MAN1A2: variants seen among roughly 807,000 people sequenced by gnomAD.
MAN1A2 encodes mannosyl-oligosaccharide 1,2-alpha-mannosidase IB.
MAN1A2 carries 26 observed loss-of-function variants against 75.7 expected under a neutral mutation model. The observed-to-expected ratio is 0.34, with a 90% CI of 0.25 to 0.48. The LOEUF (loss-of-function observed/expected upper bound fraction) is 0.48. Among genes scored for constraint, MAN1A2 ranks in the 20% least tolerant of loss-of-function variants. The probability of loss-of-function intolerance (pLI) is 0.99; values close to 1 mark genes in which losing one functional copy is unlikely to be tolerated. For missense variants in MAN1A2, 562 were observed against 775.5 expected, an observed-to-expected ratio of 0.72 and a Z score of 3.27; for synonymous variants, 247 against 264.6, an observed-to-expected ratio of 0.93 and a Z score of 0.65.
At chr1:117,467,035 G>A (rs544842701) in intron 8 of MAN1A2, among the ~76,000 whole-genome samples, 1 of 152,230 alleles carries the variant, frequency 6.6e-6, no homozygotes, top group Admixed American at 6.5e-5. Flanking sequence ...CCCTCTGCCT[G>A]AGGGGAAAGT....
chr1:117,515,082 A>G (rs2101892601), intron 12 of MAN1A2: 1 of 273,994 alleles, frequency 3.6e-6, no homozygotes, highest in South Asian at 3.8e-5. Context: ...ACCTTTAGGC[A>G]TGGACAAATT....
intron 1 of MAN1A2, among the ~76,000 whole-genome samples, chr1:117,370,365 C>T (rs1004972065): frequency 1.3e-5 from 2 of 152,036 alleles, no homozygotes; most frequent in African/African-American, 2.4e-5. Flanking sequence ...GGAATCTATT[C>T]GGTTCCTGAG....
chr1:117,429,745 G>C (rs1463482556), intron 5 of MAN1A2, among the ~76,000 whole-genome samples: 2 of 112,352 alleles, frequency 1.8e-5, no homozygotes, highest in East Asian at 5.6e-4. Flanking sequence ...CGGGGCGGCT[G>C]GCCGGGCGGG....
Position 117,445,874 on chromosome 1 carries a change from CTGTG to C in MAN1A2, c.950+3557_950+3560del, listed in dbSNP as rs1186408816. ...TGTGTGTGTGTATGTGTGTGTGTGTCTGTGTGTGTGTATATATATATATATGTAT... is the reference window on the plus strand; with the variant it reads ...TGTGTGTGTGTATGTGTGTGTGTGTCTGTGTGTATATATATATATATGTAT... On this transcript the variant is annotated intron_variant, in intron 6 of 12. Transcript: ENST00000356554. Among the ~76,000 whole-genome samples the C allele has an allele frequency of 2.3e-3, 211 of 93,388 alleles. 9 individuals are homozygous for C. Among genetic ancestry groups the C allele is most frequent in the East Asian group, 7.4e-3 (30 of 4,050 alleles). 61.3% of individuals were successfully genotyped at this position (93,388 alleles called of 152,430 possible).
chr1:117,496,848 T>C lies in MAN1A2; in HGVS notation c.1370T>C (p.Met457Thr). Residue 457 changes from methionine (M) to threonine (T), a missense_variant, in exon 10 of 13, where the codon ATG (methionine) becomes ACG (threonine). By Grantham distance (81) the Met-to-Thr change is moderately conservative. Coordinates refer to ENST00000356554, the MANE Select transcript of MAN1A2 (RefSeq NM_006699.5). Reference sequence around the variant, plus strand: ...AAGAATGGGCACTTGGAAAAAAAGATGGGGCATTTGGCCTGCTTTGCTGGG... The same window carrying C: ...AAGAATGGGCACTTGGAAAAAAAGACGGGGCATTTGGCCTGCTTTGCTGGG... Reference protein sequence around the residue: ...EWKNGHLEKKMGHLACFAGGM... With the variant: ...EWKNGHLEKKTGHLACFAGGM... 6.2e-7 allele frequency: 1 copy of C among 1,612,722 alleles called. No individual in the cohort carries two copies. The highest frequency in any genetic ancestry group is 8.5e-7 in the Non-Finnish European group (1 of 1,179,234).
intron 12 of MAN1A2, among the ~76,000 whole-genome samples, chr1:117,519,473 C>T (rs893013255): frequency 6.6e-6 from 1 of 151,964 alleles, no homozygotes; most frequent in African/African-American, 2.4e-5. Context: ...CAATTAACCT[C>T]ATTAAGAAAC....
At chr1:117,373,135 A>G (rs1392789602) in intron 1 of MAN1A2, among the ~76,000 whole-genome samples, 1 of 151,412 alleles carries the variant, frequency 6.6e-6, no homozygotes, top group Non-Finnish European at 1.5e-5. Context: ...CAAGTTCTTC[A>G]TGTTATGATT....
chr1:117,444,326 T>A (rs1244694101), intron 6 of MAN1A2, among the ~76,000 whole-genome samples: 1 of 152,048 alleles, frequency 6.6e-6, no homozygotes, highest in Non-Finnish European at 1.5e-5. Flanking sequence ...CATGTTCTTG[T>A]GTAGTAGGAA....
chr1:117,476,409 G>A (rs1023373797), intron 8 of MAN1A2, among the ~76,000 whole-genome samples: 5 of 152,058 alleles, frequency 3.3e-5, no homozygotes, highest in Admixed American at 3.3e-4. Flanking sequence ...TGCTTTTTGT[G>A]TTTTAGTCAT....
intron 1 of MAN1A2, among the ~76,000 whole-genome samples, chr1:117,397,647 T>C (rs866763384): frequency 0.19 from 22,826 of 120,220 alleles, 1,987 homozygotes; most frequent in East Asian, 0.34. Context: ...ATAACCCCCT[T>C]TTTTTTTTTT....
chr1:117,369,400 TA>T (rs1652877436), intron 1 of MAN1A2, among the ~76,000 whole-genome samples: 1 of 152,192 alleles, frequency 6.6e-6, no homozygotes, highest in African/African-American at 2.4e-5. Context: ...CCTTGTTTCT[TA>T]AAATAATTCT....
In MAN1A2 at chr1:117,499,486, A is replaced by G. The variant is rs747472656; in HGVS notation, c.1609A>G (p.Thr537Ala). 3 of 1,608,756 alleles carry G rather than the reference A, an allele frequency of 1.9e-6. No homozygotes were observed. In the Admixed American group the frequency reaches 5.1e-5, roughly 27 times the overall value. ...TATCCTCCGTCCAGAAGTAATTGAA[A>G]CCTATTGGTACCTATGGCGATTCAC... Reference protein sequence around the residue: ...YYILRPEVIETYWYLWRFTHD... With the variant: ...YYILRPEVIEAYWYLWRFTHD... Residue 537 changes from threonine to alanine, a missense_variant, in exon 11 of 13, where the codon ACC becomes GCC. This residue lies in a region of MAN1A2 where 434 missense variants were observed against 645.7 expected (regional missense o/e 0.67). Transcript: ENST00000356554.
intron 6 of MAN1A2, among the ~76,000 whole-genome samples, chr1:117,442,942 C>T (rs1335476117): frequency 2.0e-5 from 3 of 152,042 alleles, no homozygotes. Context: ...TTTCTTTGGA[C>T]AACTTTATAA....
chr1:117,524,877 T>G lies in MAN1A2; in HGVS notation c.*1920T>G, dbSNP rs1479496700. 5 of 314,898 alleles carry G rather than the reference T, an allele frequency of 1.6e-5. No homozygotes were observed. Among genetic ancestry groups the G allele is most frequent in the Non-Finnish European group, 2.5e-5 (4 of 157,610 alleles). 19.5% of individuals were successfully genotyped at this position (314,898 alleles called of 1,614,324 possible). A position where few individuals can be genotyped will look rare whatever the true frequency, so the allele number is the denominator to read the frequency against. ...AGAAAGGTATATATATTACTGTAAC[T>G]GTAGAAGGGAAAAGGGAAAGTATTT... On this transcript the variant is annotated 3_prime_UTR_variant, in exon 13 of 13. Transcript: ENST00000356554.
intron 1 of MAN1A2, among the ~76,000 whole-genome samples, chr1:117,393,147 G>A (rs371221554): frequency 2.0e-5 from 3 of 152,184 alleles, no homozygotes; most frequent in African/African-American, 7.2e-5. Context: ...TCATTTGTAA[G>A]ACAGTATTAT....
At chr1:117,375,847 A>G (rs901151654) in intron 1 of MAN1A2, among the ~76,000 whole-genome samples, 1 of 151,968 alleles carries the variant, frequency 6.6e-6, no homozygotes, top group Non-Finnish European at 1.5e-5. Flanking sequence ...AAGAGTTCAG[A>G]TAAGTTATTC....
chr1:117,453,755 A>T (rs1570756340), intron 6 of MAN1A2, among the ~76,000 whole-genome samples: 1 of 152,242 alleles, frequency 6.6e-6, no homozygotes, highest in East Asian at 1.9e-4. Context: ...GTGGCCTCCA[A>T]GTTGGAAAGA....
At chr1:117,445,872 G>A (rs376720053) in intron 6 of MAN1A2, among the ~76,000 whole-genome samples, 18,965 of 106,954 alleles carry the variant, frequency 0.18, 2,867 homozygotes, top group East Asian at 0.36. Context: ...GTGTGTGTGT[G>A]TCTGTGTGTG....
intron 8 of MAN1A2, among the ~76,000 whole-genome samples, chr1:117,475,427 T>C (rs953822852): frequency 6.6e-6 from 1 of 151,928 alleles, no homozygotes; most frequent in African/African-American, 2.4e-5. Flanking sequence ...TGGTTTGTTA[T>C]GTAGGTATAC....
Sources: gnomAD v4.1 joint callset for allele counts (sites outside exome capture counted in the v4.1 genomes callset) on GRCh38, gnomAD v4.1.1 for gene constraint, gnomAD v4.1.1 regional missense constraint, MANE v1.5 for transcripts, NCBI Gene and HGNC (gene_info 2026-07-23, HGNC 2026-07-21) for gene names.